The following FBF1 variants were observed in gnomAD, a reference collection of about 807,000 sequenced individuals.
FBF1 encodes the protein fas-binding factor 1.
FBF1 carries 119 observed loss-of-function variants against 147.2 expected under a neutral mutation model. The ratio of observed to expected loss-of-function variants is 0.81; its 90% confidence interval spans 0.70 to 0.94. The LOEUF is 0.94. FBF1 is among the 40% of genes least tolerant of loss of function. The pLI is 0.00. For synonymous variants in FBF1, 601 were observed against 609.0 expected, an observed-to-expected ratio of 0.99 and a Z score of 0.19; for missense variants, 1,449 against 1,500.8, an observed-to-expected ratio of 0.97 and a Z score of 0.57.
chr17:75,929,946 C>CGGGGGG, intron 7 of FBF1, 51 bp downstream of exon 7: 1 of 409,720 alleles, frequency 2.4e-6, no homozygotes, highest in Non-Finnish European at 4.9e-6. Flanking sequence ...AATATCATGA[C>CGGGGGG]CCCACCCCAC....
chr17:75,910,724 C>T lies in FBF1; in HGVS notation c.3446G>A (p.Ter1149=), dbSNP rs573707995. 12 of 1,606,858 alleles carry T rather than the reference C, an allele frequency of 7.5e-6. No individual in the cohort carries two copies. In the African/African-American group the frequency reaches 1.5e-4, roughly 20 times the overall value. ...GSYNLTSHSA[*] ...TTGGGGAATCGGCTGGGGTCCCACT[C>T]AGGCTGAATGAGATGTCAAATTGTA... is the stretch of plus-strand genomic sequence containing the variant. The change falls in exon 30 of 30, where the codon TGA becomes TAA. Residue 1149 remains the stop codon, a stop_retained_variant. Transcript: ENST00000636174. This position sits in a 1 kb window ranked among gnomAD's most constrained non-coding sequence, Gnocchi z 4.1.
Position 75,923,253 on chromosome 17 carries a change from C to T in FBF1, c.1357G>A (p.Glu453Lys), listed in dbSNP as rs1472038747. ...CCCTCAGAGGTCCCAGCATGCTGCT[C>T]TCTGGCCAGGCCTTGGGACTTCTTC... ...SRKKSQGLAREQHAGTSEGLH... is the reference protein window; with the variant it reads ...SRKKSQGLARKQHAGTSEGLH... Residue 453 changes from glutamate (E) to lysine (K), a missense_variant, in exon 14 of 30, where the codon GAG (glutamate) becomes AAG (lysine). Glu to Lys is a moderately conservative substitution (Grantham distance 56, BLOSUM62 1). Coordinates refer to ENST00000636174, the MANE Select transcript of FBF1 (RefSeq NM_001319193.2). The surrounding 1 kb of genome is among the most constrained non-coding windows in gnomAD (Gnocchi z 4.1). 5 of 1,590,384 alleles carry T rather than the reference C, an allele frequency of 3.1e-6. No homozygotes were observed. In the African/African-American group the frequency reaches 5.4e-5, roughly 17 times the overall value.
Position 75,930,042 on chromosome 17 carries a change from T to C in FBF1, c.234A>G (p.Ser78=). 2 of 1,439,726 alleles carry C rather than the reference T, an allele frequency of 1.4e-6. No individual in the cohort carries two copies. The highest frequency in any genetic ancestry group is 1.9e-6 in the Non-Finnish European group (2 of 1,080,052). 89.2% of individuals were successfully genotyped at this position (1,439,726 alleles called of 1,614,324 possible). The part of the protein sequence containing the change: ...AGLEEADAEV[S]GISEADPQAL... ...CCTGTGGGTCTGCCTCTGAGATACC[T>C]GAAACCTAAGTCCACAATGAGGGTG... is the stretch of plus-strand genomic sequence containing the variant. The change falls in exon 7 of 30, where the codon TCA becomes TCG. Residue 78 remains serine, a synonymous_variant. Coordinates refer to ENST00000636174, the MANE Select transcript of FBF1 (RefSeq NM_001319193.2).
chr17:75,929,378 C>G (rs2065580972), intron 7 of FBF1, among the ~76,000 whole-genome samples: 1 of 152,072 alleles, frequency 6.6e-6, no homozygotes. Context: ...ACAAGAGCCC[C>G]ACAGGGCTGT....
rs374019208 is a variant in FBF1, at chr17:75,921,285, G to A, written c.1633C>T (p.Pro545Ser). Reference protein sequence around the residue: ...LSATEPATCFPSTQKPTEPSV... With the variant: ...LSATEPATCFSSTQKPTEPSV... ...GGCTCTGTGGGTTTCTGGGTGCTCG[G>A]GAAACACGTGGCAGGCTCTGAAACA... Residue 545 changes from proline (P) to serine (S), a missense_variant, in exon 17 of 30, where the codon CCG becomes TCG. By Grantham distance (74) the Pro-to-Ser change is moderately conservative. Transcript: ENST00000636174. 6.3e-7 allele frequency: 1 copy of A among 1,592,820 alleles called. No homozygotes were observed. Among genetic ancestry groups the A allele is most frequent in the Non-Finnish European group, 8.5e-7 (1 of 1,169,652 alleles).
rs62088254 is a variant in FBF1 at position 75,922,070 on chromosome 17, T to C, written c.1425-24A>G. ...GGCTGAGGAAAGGCAGCGTTCAAGG[T>C]GAAGGTGACAGAAGGCCCAGGTCAG... On this transcript the variant is annotated intron_variant, in intron 14 of 29. Transcript: ENST00000636174. This position sits in a 1 kb window ranked among gnomAD's most constrained non-coding sequence, Gnocchi z 5.0. The C allele has an allele frequency of 7.2e-4, 1,115 of 1,547,934 alleles. 3 individuals are homozygous for C. Among genetic ancestry groups the C allele is most frequent in the South Asian group, 1.0e-3 (85 of 83,982 alleles).
intron 4 of FBF1, among the ~76,000 whole-genome samples, chr17:75,934,404 T>C (rs1004600395): frequency 6.6e-6 from 1 of 151,846 alleles, no homozygotes; most frequent in Non-Finnish European, 1.5e-5. Flanking sequence ...CTACTAAAAA[T>C]ACAAAAAGTA....
In FBF1 at chr17:75,922,474, T is replaced by C. The variant is rs541823009; in HGVS notation, c.1425-428A>G. Among the ~76,000 whole-genome samples, 1 of 152,122 alleles carries C rather than the reference T, an allele frequency of 6.6e-6. No individual in the cohort carries two copies. Among genetic ancestry groups the C allele is most frequent in the Non-Finnish European group, 1.5e-5 (1 of 68,010 alleles). On this transcript the variant is annotated intron_variant, in intron 14 of 29. Transcript: ENST00000636174. This position sits in a 1 kb window ranked among gnomAD's most constrained non-coding sequence, Gnocchi z 5.0. Reference sequence around the variant, plus strand: ...ACGGGTCAGTGAAGAGACAGGCTCTTTTCTGTTTTGGCCTGAGCTTTCCCC... The same window carrying C: ...ACGGGTCAGTGAAGAGACAGGCTCTCTTCTGTTTTGGCCTGAGCTTTCCCC...
At chr17:75,935,310 G>A (rs9906929) in intron 4 of FBF1, among the ~76,000 whole-genome samples, 6,159 of 151,626 alleles carry the variant, frequency 0.041, 155 homozygotes, top group Middle Eastern at 0.11. Flanking sequence ...GATTACAGGC[G>A]CCCGCCACTA....
At chr17:75,926,185 A>T in intron 11 of FBF1, 22 bp from the exon 12 acceptor site, 5 of 1,605,308 alleles carry the variant, frequency 3.1e-6, no homozygotes, top group Non-Finnish European at 4.2e-6. Flanking sequence ...GACACACGGC[A>T]GGAACGTGTA....
chr17:75,926,414 G>A lies in FBF1; in HGVS notation c.608C>T (p.Pro203Leu), dbSNP rs777004179. The A allele has an allele frequency of 1.3e-6, 2 of 1,570,532 alleles. No homozygotes were observed. The highest frequency in any genetic ancestry group is 8.6e-7 in the Non-Finnish European group (1 of 1,160,598). ...GATGGGGGTGTCCCCAGGAGTTAGAGGAATAGAGGGACCTGAAAGACAAAA... is the reference window on the plus strand; with the variant it reads ...GATGGGGGTGTCCCCAGGAGTTAGAAGAATAGAGGGACCTGAAAGACAAAA... ...STVRDQGPSI[P>L]LTPGDTPIRK... Residue 203 changes from proline to leucine, a missense_variant, in exon 11 of 30, where the codon CCT (proline) becomes CTT (leucine). Physicochemically the swap from Pro to Leu is moderately conservative, Grantham distance 98 (BLOSUM62 -3). Transcript: ENST00000636174.
intron 23 of FBF1, 41 bp downstream of exon 23, chr17:75,917,691 C>A: frequency 6.6e-7 from 1 of 1,520,112 alleles, no homozygotes. Flanking sequence ...GAAGAGGCCC[C>A]GTGGCAGGAG....
In FBF1 at chr17:75,926,163, C is replaced by A; in HGVS notation, c.735G>T (p.Gln245His). The A allele has an allele frequency of 6.2e-7, 1 of 1,608,018 alleles. No homozygotes were observed. The highest frequency in any genetic ancestry group is 2.2e-5 in the East Asian group (1 of 44,710). Residue 245 changes from glutamine to histidine, a missense_variant and splice_region_variant, in exon 12 of 30, where the codon CAG becomes CAT. By Grantham distance (24) the Gln-to-His change is conservative. Coordinates refer to ENST00000636174, the MANE Select transcript of FBF1 (RefSeq NM_001319193.2). Reference sequence around the variant, plus strand: ...TGGAGCGAGCAGGGCGAGGCCCTTCCCTGCAGGACGGGACACACGGCAGGA... The same window carrying A: ...TGGAGCGAGCAGGGCGAGGCCCTTCACTGCAGGACGGGACACACGGCAGGA... ...PKAEKRQIGD[Q>H]EGPRPARSTL...
intron 23 of FBF1, among the ~76,000 whole-genome samples, chr17:75,916,782 T>A (rs1163007665): frequency 6.6e-6 from 1 of 152,240 alleles, no homozygotes; most frequent in Admixed American, 6.5e-5. Flanking sequence ...AGGAAAAGGA[T>A]GTGAGCAAAG....
At position 75,918,164 on chromosome 17, in the gene FBF1, C is replaced by T. The variant is rs372392575; in HGVS notation, c.2244G>A (p.Thr748=). 20 of 1,613,178 alleles carry T rather than the reference C, an allele frequency of 1.2e-5. No homozygotes were observed. The highest frequency in any genetic ancestry group is 1.4e-5 in the Non-Finnish European group (17 of 1,179,782). The change falls in exon 21 of 30, where the codon ACG becomes ACA. Residue 748 remains threonine (T), a splice_region_variant and synonymous_variant. Transcript: ENST00000636174. This position sits in a 1 kb window ranked among gnomAD's most constrained non-coding sequence, Gnocchi z 5.8. ...CATGGTTGGGGCAGCGCACATACCGCGTGTGGGAGGTGGCACTGGTGGCCG... is the reference window on the plus strand; with the variant it reads ...CATGGTTGGGGCAGCGCACATACCGTGTGTGGGAGGTGGCACTGGTGGCCG... ...VDAATSATSH[T]RSLNSIIHQM...
rs1443347287 is a variant in FBF1, at chr17:75,920,336, G to A, written c.1768C>T (p.Pro590Ser). Reference sequence around the variant, plus strand: ...AGCAGCTCGGCCTGGAGCTCAGCGGGGCTGCACTGAAGTTGCACCTGTGCT... The same window carrying A: ...AGCAGCTCGGCCTGGAGCTCAGCGGAGCTGCACTGAAGTTGCACCTGTGCT... ...LAAQVQLQCSPAELQAELLHS... is the reference protein window; with the variant it reads ...LAAQVQLQCSSAELQAELLHS... The change falls in exon 18 of 30, where the codon CCC becomes TCC. Residue 590 changes from proline to serine, a missense_variant. Coordinates refer to ENST00000636174, the MANE Select transcript of FBF1 (RefSeq NM_001319193.2). 2 of 1,610,392 alleles carry A rather than the reference G, an allele frequency of 1.2e-6. No homozygotes were observed. The highest frequency in any genetic ancestry group is 1.7e-5 in the Admixed American group (1 of 59,642).
Position 75,925,349 on chromosome 17 carries a change from GA to G in FBF1, c.965del (p.Val322AlafsTer117). 2 of 1,612,364 alleles carry G rather than the reference GA, an allele frequency of 1.2e-6. No homozygotes were observed. The highest frequency in any genetic ancestry group is 1.7e-6 in the Non-Finnish European group (2 of 1,179,396). The part of the protein sequence containing the change: ...SEGRQSRRQS[V>X]SRFFADSGAD... ...AGCCTCCTGCAGGCCCCACTTACCT[GA>G]CAGACTGCCGGCGGGACTGCCGGCC... On this transcript the variant is annotated frameshift_variant, in exon 13 of 30. Transcript: ENST00000636174. LOFTEE classifies it high-confidence loss of function. This position sits in a 1 kb window ranked among gnomAD's most constrained non-coding sequence, Gnocchi z 5.0.
At position 75,920,421 on chromosome 17, in the gene FBF1, G is replaced by A; in HGVS notation, c.1683C>T (p.Leu561=). 1 of 1,607,208 alleles carries A rather than the reference G, an allele frequency of 6.2e-7. No homozygotes were observed. The highest frequency in any genetic ancestry group is 2.2e-5 in the East Asian group (1 of 44,722). Residue 561 remains leucine (L), a synonymous_variant, in exon 18 of 30, where the codon CTC becomes CTT. Transcript: ENST00000636174. ...GCAGGCTCCGGGCCAGGGACTCTGG[G>A]AGCAGGGGCTGGAGGAGAGGAAGAG... ...TEPSVPVQPL[L]PESLARSLLP...
chr17:75,911,315 G>A (rs1011696887), intron 29 of FBF1, among the ~76,000 whole-genome samples: 2 of 152,104 alleles, frequency 1.3e-5, no homozygotes, highest in African/African-American at 4.8e-5. Context: ...TGGCACACAG[G>A]AAATGCTCCA....
Sources: gnomAD v4.1 joint callset for allele counts (sites outside exome capture counted in the v4.1 genomes callset) on GRCh38, gnomAD v4.1.1 for gene constraint, Gnocchi (gnomAD v3.1) non-coding constraint, MANE v1.5 for transcripts, NCBI Gene and HGNC (gene_info 2026-07-23, HGNC 2026-07-21) for gene names.